CPPED1: variants seen among roughly 807,000 people sequenced by gnomAD.
CPPED1 encodes calcineurin like phosphoesterase domain containing 1.
CPPED1 carries 28 observed loss-of-function variants against 28.0 expected under a neutral mutation model. The ratio of observed to expected loss-of-function variants is 1.00; its 90% CI spans 0.74 to 1.37. CPPED1 has a LOEUF of 1.37. CPPED1 is among the 40% of genes most tolerant of loss of function. The pLI, the probability that CPPED1 is intolerant of heterozygous loss-of-function variation, is 0.00. For missense variants in CPPED1, 504 were observed against 416.5 expected (o/e 1.21, Z -1.83); for synonymous variants, 198 against 180.2 (o/e 1.10, Z -0.79).
chr16:12,708,442 G>T (rs1416142543), intron 2 of CPPED1, among the ~76,000 whole-genome samples: 3 of 152,164 alleles, frequency 2.0e-5, no homozygotes, highest in Non-Finnish European at 4.4e-5. Context: ...GTACAAACAA[G>T]AATGCAAAGC....
intron 2 of CPPED1, 128 bp from the exon 3 acceptor site, chr16:12,705,177 G>A: frequency 9.8e-7 from 1 of 1,024,472 alleles, no homozygotes; most frequent in East Asian, 2.6e-5. Context: ...CTAGCACATG[G>A]AAACTGCAAA....
intron 1 of CPPED1, among the ~76,000 whole-genome samples, chr16:12,802,438 C>T (rs1022099992): frequency 1.3e-5 from 2 of 151,998 alleles, no homozygotes; most frequent in African/African-American, 4.8e-5. Context: ...CCCATCTCTA[C>T]TAAAAATACA....
intron 2 of CPPED1, among the ~76,000 whole-genome samples, chr16:12,730,033 C>T (rs138903597): frequency 1.2e-3 from 187 of 152,172 alleles, no homozygotes; most frequent in African/African-American, 4.2e-3. Flanking sequence ...GGCTGATTTT[C>T]AAATTTTGTG....
intron 1 of CPPED1, among the ~76,000 whole-genome samples, chr16:12,802,743 G>C (rs2141249934): frequency 6.6e-6 from 1 of 152,370 alleles, no homozygotes; most frequent in Admixed American, 6.5e-5. Flanking sequence ...CCCTGCTAAA[G>C]AAGCAGAAAA....
chr16:12,745,056 C>A (rs2080278377), intron 2 of CPPED1, among the ~76,000 whole-genome samples: 2 of 151,628 alleles, frequency 1.3e-5, no homozygotes, highest in African/African-American at 4.8e-5. Flanking sequence ...TAAAGGCAGT[C>A]CAAAAGGAAA....
At chr16:12,694,731 TG>T (rs778479471) in intron 3 of CPPED1, among the ~76,000 whole-genome samples, 14,340 of 48,930 alleles carry the variant, frequency 0.29, 1,082 homozygotes, top group South Asian at 0.37. Context: ...TAAAAAAAGG[TG>T]GGGGGGGGGG....
chr16:12,769,635 T>C (rs1413698966), intron 2 of CPPED1, among the ~76,000 whole-genome samples: 8 of 152,200 alleles, frequency 5.3e-5, no homozygotes, highest in Admixed American at 2.0e-4. Context: ...TTGTCACTGA[T>C]TGCCTGGATG....
intron 2 of CPPED1, among the ~76,000 whole-genome samples, chr16:12,764,121 G>A (rs2080425603): frequency 6.7e-6 from 1 of 150,162 alleles, no homozygotes; most frequent in African/African-American, 2.5e-5. Context: ...AGCATTAACT[G>A]TAGCTTTCTC....
chr16:12,693,647 G>A (rs1440386230), intron 3 of CPPED1, among the ~76,000 whole-genome samples: 3 of 152,198 alleles, frequency 2.0e-5, no homozygotes, highest in African/African-American at 7.2e-5. Flanking sequence ...TAGGGAAAAT[G>A]TCTTTTAAGT....
chr16:12,726,521 T>G (rs927318504), intron 2 of CPPED1, among the ~76,000 whole-genome samples: 6 of 151,946 alleles, frequency 3.9e-5, no homozygotes, highest in Non-Finnish European at 7.4e-5. Flanking sequence ...TTTTGAATTT[T>G]TAGTAGAGAC....
At chr16:12,791,407 A>T (rs1404111091) in intron 1 of CPPED1, among the ~76,000 whole-genome samples, 1 of 152,058 alleles carries the variant, frequency 6.6e-6, no homozygotes, top group East Asian at 1.9e-4. Flanking sequence ...ATTCTTTTCT[A>T]TGGCTGCACA....
chr16:12,770,213 C>G (rs8045393), intron 2 of CPPED1, among the ~76,000 whole-genome samples: 98,196 of 152,040 alleles, frequency 0.65, 31,899 homozygotes, highest in East Asian at 0.71. Flanking sequence ...AAGAGAACGG[C>G]CTGGTGTGCT....
At chr16:12,744,214 T>G (rs2080271170) in intron 2 of CPPED1, among the ~76,000 whole-genome samples, 1 of 150,768 alleles carries the variant, frequency 6.6e-6, no homozygotes, top group Non-Finnish European at 1.5e-5. Flanking sequence ...AGGCGGAGCT[T>G]GCAGTGAGAT....
intron 3 of CPPED1, among the ~76,000 whole-genome samples, chr16:12,667,795 G>A (rs992955105): frequency 5.9e-5 from 9 of 152,096 alleles, no homozygotes; most frequent in South Asian, 2.1e-4. Flanking sequence ...AGGAGCTGGT[G>A]GAGGAGAAAG....
At chr16:12,699,197 G>A (rs1453442350) in intron 3 of CPPED1, among the ~76,000 whole-genome samples, 2 of 152,088 alleles carry the variant, frequency 1.3e-5, no homozygotes, top group Non-Finnish European at 1.5e-5. Flanking sequence ...ACATCCCTTG[G>A]ATGTGATGAA....
chr16:12,777,648 G>T (rs2080505216), intron 2 of CPPED1, among the ~76,000 whole-genome samples: 1 of 152,092 alleles, frequency 6.6e-6, no homozygotes, highest in South Asian at 2.1e-4. Context: ...ATCTCTTAAG[G>T]ATTTTCCTAT....
At chr16:12,766,268 G>T (rs1226206764) in intron 2 of CPPED1, among the ~76,000 whole-genome samples, 22 of 129,708 alleles carry the variant, frequency 1.7e-4, no homozygotes, top group African/African-American at 6.0e-4. Context: ...GAGAGAGAGA[G>T]AGAGAGAGGG....
chr16:12,669,630 T>C (rs2079843658), intron 3 of CPPED1, among the ~76,000 whole-genome samples: 1 of 152,326 alleles, frequency 6.6e-6, no homozygotes, highest in Admixed American at 6.5e-5. Flanking sequence ...GAAATATTTA[T>C]AGATGTGTAT....
intron 2 of CPPED1, among the ~76,000 whole-genome samples, chr16:12,725,410 A>C (rs893514436): frequency 1.3e-5 from 2 of 152,138 alleles, no homozygotes; most frequent in Non-Finnish European, 2.9e-5. Context: ...ATTCTTGACA[A>C]GTGTTTACTT....
Sources: allele counts gnomAD v4.1 joint callset (sites outside exome capture counted in the v4.1 genomes callset), GRCh38; gene constraint gnomAD v4.1.1; transcripts MANE v1.5; gene names NCBI Gene and HGNC (gene_info 2026-07-23, HGNC 2026-07-21).